Variants in ATRNL1 observed in about 807,000 individuals in gnomAD.
ATRNL1 encodes the protein attractin like 1.
Under a neutral mutation model 182.7 loss-of-function variants are expected in ATRNL1, and 95 were observed. The observed-to-expected ratio is 0.52, with a 90% CI of 0.44 to 0.62. The LOEUF is 0.62. Among genes scored for constraint, ATRNL1 ranks in the 20% least tolerant of loss-of-function variants. The pLI, the probability that ATRNL1 is intolerant of heterozygous loss-of-function variation, is 0.00. For synonymous variants in ATRNL1, 576 were observed against 568.3 expected (o/e 1.01, Z -0.19); for missense variants, 1,471 against 1,679.5 (o/e 0.88, Z 2.17).
intron 1 of ATRNL1, chr10:115,096,684 T>C: frequency 7.8e-7 from 1 of 1,289,048 alleles, no homozygotes; most frequent in Non-Finnish European, 1.0e-6. Flanking sequence ...CAAATGTTTC[T>C]TGAGGATAGA....
rs370921954 is a variant in ATRNL1 at position 115,922,683 on chromosome 10, G to A, written c.4019-21975G>A. Among the ~76,000 whole-genome samples the A allele has an allele frequency of 8.5e-5, 13 of 152,282 alleles. No homozygotes were observed. In the South Asian group the frequency reaches 2.7e-3, roughly 32 times the overall value. ...CAAAAGTCAGTTAAGATTATCTTTA[G>A]CAGAAATACTCCATCAGTGCTGACT... On this transcript the variant is annotated intron_variant, in intron 28 of 28. Transcript: ENST00000355044.
At chr10:115,392,131 A>G (rs1402377866) in intron 19 of ATRNL1, among the ~76,000 whole-genome samples, 3 of 152,134 alleles carry the variant, frequency 2.0e-5, no homozygotes, top group Non-Finnish European at 2.9e-5. Flanking sequence ...ATCCCATTAT[A>G]TAAATTACTA....
chr10:115,762,916 T>C (rs1948767223), intron 27 of ATRNL1, among the ~76,000 whole-genome samples: 1 of 152,114 alleles, frequency 6.6e-6, no homozygotes, highest in African/African-American at 2.4e-5. Context: ...CTTTCTTAAG[T>C]TAAATAAAAA....
intron 21 of ATRNL1, among the ~76,000 whole-genome samples, chr10:115,443,836 C>A (rs1846823475): frequency 6.6e-6 from 1 of 151,988 alleles, no homozygotes; most frequent in Non-Finnish European, 1.5e-5. Context: ...AGTCTTTAAT[C>A]AAAAATTGTT....
intron 27 of ATRNL1, among the ~76,000 whole-genome samples, chr10:115,789,827 T>C (rs1254097928): frequency 6.6e-6 from 1 of 152,176 alleles, no homozygotes; most frequent in Non-Finnish European, 1.5e-5. Context: ...AATCTGCTAT[T>C]AGAGTTGAGC....
intron 27 of ATRNL1, among the ~76,000 whole-genome samples, chr10:115,804,355 A>C (rs1174232160): frequency 6.6e-6 from 1 of 152,082 alleles, no homozygotes; most frequent in Non-Finnish European, 1.5e-5. Flanking sequence ...CTAACCCTCA[A>C]TGTGATGGCA....
At chr10:115,408,294 C>T (rs552557826) in intron 20 of ATRNL1, among the ~76,000 whole-genome samples, 97 of 152,260 alleles carry the variant, frequency 6.4e-4, no homozygotes, top group African/African-American at 1.6e-3. Context: ...TGAGCCACCG[C>T]GCCCGGCCTG....
chr10:115,462,548 G>C (rs996412758), intron 22 of ATRNL1, among the ~76,000 whole-genome samples: 1 of 152,026 alleles, frequency 6.6e-6, no homozygotes, highest in Admixed American at 6.6e-5. Context: ...GGAGGTGGAG[G>C]TTGCAGTGAG....
At chr10:115,789,486 G>C (rs1434179651) in intron 27 of ATRNL1, among the ~76,000 whole-genome samples, 1 of 152,126 alleles carries the variant, frequency 6.6e-6, no homozygotes, top group Non-Finnish European at 1.5e-5. Flanking sequence ...AGCACCCTGC[G>C]CTCCTCCCAG....
chr10:115,725,156 C>T (rs10885793), intron 26 of ATRNL1, among the ~76,000 whole-genome samples: 56,179 of 151,952 alleles, frequency 0.37, 11,214 homozygotes, highest in East Asian at 0.59. Context: ...TTGTTCTTTA[C>T]ATAAAGTAAT....
chr10:115,182,220 A>G (rs1847775664), intron 8 of ATRNL1, among the ~76,000 whole-genome samples: 1 of 151,560 alleles, frequency 6.6e-6, no homozygotes, highest in Non-Finnish European at 1.5e-5. Flanking sequence ...TGATAAAGCA[A>G]CTAAAAGGAA....
chr10:115,601,412 T>A (rs1358710347), intron 26 of ATRNL1, among the ~76,000 whole-genome samples: 1 of 152,202 alleles, frequency 6.6e-6, no homozygotes, highest in Non-Finnish European at 1.5e-5. Flanking sequence ...TAGTTTCATG[T>A]CTTCTATATT....
At chr10:115,323,587 G>A (rs1854707060) in intron 18 of ATRNL1, among the ~76,000 whole-genome samples, 1 of 151,486 alleles carries the variant, frequency 6.6e-6, no homozygotes, top group African/African-American at 2.4e-5. Context: ...TGGGATTACA[G>A]GCATGTGCCA....
intron 22 of ATRNL1, among the ~76,000 whole-genome samples, chr10:115,463,632 ACT>A (rs1847919870): frequency 6.6e-6 from 1 of 151,876 alleles, no homozygotes; most frequent in African/African-American, 2.4e-5. Context: ...CCTAACAGAA[ACT>A]CTGTGATTAT....
intron 8 of ATRNL1, 96 bp from the exon 9 acceptor site, chr10:115,215,601 A>G: frequency 2.1e-6 from 2 of 930,318 alleles, no homozygotes; most frequent in South Asian, 3.6e-5. Context: ...TCATAAAAAT[A>G]TGTCATTAGA....
chr10:115,650,940 A>T (rs1284647642), intron 26 of ATRNL1, among the ~76,000 whole-genome samples: 3 of 152,142 alleles, frequency 2.0e-5, no homozygotes, highest in Non-Finnish European at 4.4e-5. Context: ...AAGTCTCCTA[A>T]TTTATAACTC....
chr10:115,367,481 A>G (rs1257019129), intron 19 of ATRNL1, among the ~76,000 whole-genome samples: 2 of 150,168 alleles, frequency 1.3e-5, no homozygotes, highest in African/African-American at 4.9e-5. Context: ...CCCATAGCTC[A>G]GAGTAATTTG....
intron 28 of ATRNL1, among the ~76,000 whole-genome samples, chr10:115,868,893 G>C (rs1175161628): frequency 8.0e-6 from 1 of 125,208 alleles, no homozygotes; most frequent in Non-Finnish European, 1.6e-5. Context: ...GCAGTGGCGC[G>C]ATCTCGGCTC....
chr10:115,492,737 G>A (rs868994838), intron 24 of ATRNL1, among the ~76,000 whole-genome samples: 3 of 146,244 alleles, frequency 2.1e-5, no homozygotes, highest in South Asian at 4.4e-4. Flanking sequence ...TCCGCCTCCC[G>A]GGTTCACACC....
Sources: gnomAD v4.1 joint callset for allele counts (sites outside exome capture counted in the v4.1 genomes callset) on GRCh38, gnomAD v4.1.1 for gene constraint, MANE v1.5 for transcripts, NCBI Gene and HGNC (gene_info 2026-07-23, HGNC 2026-07-21) for gene names.